Variants in PTPRD observed in about 807,000 individuals in gnomAD.
PTPRD encodes receptor-type tyrosine-protein phosphatase delta.
In PTPRD, 34 loss-of-function variants were observed where a neutral mutation model predicts 214.5. That is an observed-to-expected ratio of 0.16 (90% confidence interval 0.12 to 0.21). The LOEUF is 0.21. Ranked by LOEUF, PTPRD falls within the 10% of genes least tolerant of loss-of-function variation. The probability of loss-of-function intolerance (pLI) is 1.00; values close to 1 mark genes in which losing one functional copy is unlikely to be tolerated. For missense variants in PTPRD, 2,545 were observed against 2,398.7 expected, an observed-to-expected ratio of 1.06 and a Z score of -1.27; for synonymous variants, 1,128 against 845.7, an observed-to-expected ratio of 1.33 and a Z score of -5.79.
At chr9:8,893,538 A>G (rs968967846) in intron 11 of PTPRD, among the ~76,000 whole-genome samples, 1 of 152,188 alleles carries the variant, frequency 6.6e-6, no homozygotes, top group Non-Finnish European at 1.5e-5. Context: ...ACAAATAGCA[A>G]TCTGACAATT....
chr9:10,606,484 T>C lies in PTPRD; in HGVS notation c.-600+5914A>G, dbSNP rs74924949. Among the ~76,000 whole-genome samples, 202 of 151,816 alleles carry C rather than the reference T, an allele frequency of 1.3e-3. 1 individual carries two copies. Among genetic ancestry groups the C allele is most frequent in the African/African-American group, 4.5e-3 (187 of 41,504 alleles). ...CAGGTTTTTCGTAAGTGGCCTACAC[T>C]GGTTCCACTTTAGAAACAGGAAACA... On this transcript the variant is annotated intron_variant, in intron 2 of 45. Coordinates refer to ENST00000381196, the MANE Select transcript of PTPRD (RefSeq NM_002839.4).
At chr9:9,691,536 G>A (rs915683073) in intron 7 of PTPRD, among the ~76,000 whole-genome samples, 2 of 151,956 alleles carry the variant, frequency 1.3e-5, no homozygotes, top group African/African-American at 4.8e-5. Context: ...ATCTGTTGAT[G>A]GAAACTTAAG....
At chr9:9,959,202 A>C (rs2094172039) in intron 4 of PTPRD, among the ~76,000 whole-genome samples, 1 of 152,226 alleles carries the variant, frequency 6.6e-6, no homozygotes, top group Admixed American at 6.5e-5. Flanking sequence ...CAGTAATCTT[A>C]AATGCACCTT....
chr9:8,499,353 T>A (rs960637083), intron 25 of PTPRD, among the ~76,000 whole-genome samples: 5 of 152,174 alleles, frequency 3.3e-5, no homozygotes, highest in African/African-American at 1.2e-4. Flanking sequence ...AGTCAATCAT[T>A]TTTTGAAGTC....
intron 11 of PTPRD, among the ~76,000 whole-genome samples, chr9:8,890,809 A>C (rs1403485522): frequency 1.3e-5 from 2 of 152,178 alleles, no homozygotes; most frequent in Non-Finnish European, 2.9e-5. Flanking sequence ...AGGTGCTATT[A>C]TAATTGCCTA....
intron 9 of PTPRD, among the ~76,000 whole-genome samples, chr9:9,186,250 C>A (rs866242875): frequency 7.9e-5 from 12 of 152,050 alleles, no homozygotes; most frequent in Non-Finnish European, 1.3e-4. Flanking sequence ...GAGGAAATAA[C>A]AATAAGGGTT....
At chr9:8,933,638 T>G (rs1034930544) in intron 11 of PTPRD, among the ~76,000 whole-genome samples, 1 of 152,090 alleles carries the variant, frequency 6.6e-6, no homozygotes, top group African/African-American at 2.4e-5. Flanking sequence ...CTATAAAGTA[T>G]TTTAATGCTT....
intron 8 of PTPRD, among the ~76,000 whole-genome samples, chr9:9,420,110 T>TGATA (rs905256918): frequency 2.9e-5 from 1 of 34,866 alleles, no homozygotes; most frequent in African/African-American, 1.0e-4. Context: ...CCAGACACTA[T>TGATA]AATATTTATA....
In PTPRD at chr9:8,611,937, G is replaced by C. The variant is rs1333245279; in HGVS notation, c.352+21380C>G. ...ATATCAAGACCTTGTGAAAAGAAAA[G>C]AAAAGAAAAGAGAAAACAAAAGAAA... On this transcript the variant is annotated intron_variant, in intron 14 of 45. Coordinates refer to ENST00000381196, the MANE Select transcript of PTPRD (RefSeq NM_002839.4). Among the ~76,000 whole-genome samples, 15 of 88,832 alleles carry C rather than the reference G, an allele frequency of 1.7e-4. 1 individual carries two copies. In the Admixed American group the frequency reaches 2.4e-3, roughly 14 times the overall value. 58.3% of individuals were successfully genotyped at this position (88,832 alleles called of 152,430 possible). A position where few individuals can be genotyped will look rare whatever the true frequency, so the allele number is the denominator to read the frequency against.
rs561193584 is a variant in PTPRD, at chr9:10,512,521, G to C, written c.-600+99877C>G. Among the ~76,000 whole-genome samples, 132 of 152,238 alleles carry C rather than the reference G, an allele frequency of 8.7e-4. 1 individual carries two copies. Among genetic ancestry groups the C allele is most frequent in the African/African-American group, 3.1e-3 (127 of 41,554 alleles). On this transcript the variant is annotated intron_variant, in intron 2 of 45. Coordinates refer to ENST00000381196, the MANE Select transcript of PTPRD (RefSeq NM_002839.4). ...ATGCGGTGGTGGGTTGGGGGGAATG[G>C]AGCTTAGACAAATGATTTTTATTTA...
intron 10 of PTPRD, among the ~76,000 whole-genome samples, chr9:9,029,158 C>T (rs2099596687): frequency 6.6e-6 from 1 of 151,782 alleles, no homozygotes; most frequent in Non-Finnish European, 1.5e-5. Flanking sequence ...ATTATTAACA[C>T]TAACTTCACA....
At chr9:9,619,885 T>A (rs1428275179) in intron 7 of PTPRD, among the ~76,000 whole-genome samples, 1 of 149,602 alleles carries the variant, frequency 6.7e-6, no homozygotes, top group Non-Finnish European at 1.5e-5. Context: ...TATAGATGTT[T>A]TTATATACAG....
At chr9:9,912,296 T>G (rs1450630270) in intron 5 of PTPRD, among the ~76,000 whole-genome samples, 1 of 152,132 alleles carries the variant, frequency 6.6e-6, no homozygotes, top group Non-Finnish European at 1.5e-5. Flanking sequence ...TTGTTCTGAG[T>G]TGGAATATAC....
At chr9:8,859,241 T>G (rs2098041235) in intron 11 of PTPRD, among the ~76,000 whole-genome samples, 1 of 152,204 alleles carries the variant, frequency 6.6e-6, no homozygotes, top group Admixed American at 6.5e-5. Flanking sequence ...GCTCCTCAGC[T>G]TCTCTGAAGG....
At chr9:10,451,887 T>C (rs1003262807) in intron 2 of PTPRD, among the ~76,000 whole-genome samples, 3 of 151,930 alleles carry the variant, frequency 2.0e-5, no homozygotes, top group Non-Finnish European at 2.9e-5. Flanking sequence ...AGTAACTTCA[T>C]AGCGTCAGTT....
intron 11 of PTPRD, among the ~76,000 whole-genome samples, chr9:8,786,748 G>GA (rs35010963): frequency 0.36 from 52,902 of 146,694 alleles, 11,232 homozygotes; most frequent in Middle Eastern, 0.51. Flanking sequence ...AATCCTCAGG[G>GA]AAAAAAAAGG....
At chr9:10,481,817 G>A (rs1383982784) in intron 2 of PTPRD, among the ~76,000 whole-genome samples, 1 of 152,176 alleles carries the variant, frequency 6.6e-6, no homozygotes, top group African/African-American at 2.4e-5. Flanking sequence ...ATGGGAAAGT[G>A]TAACTACATA....
At chr9:9,976,188 G>A (rs2095344169) in intron 4 of PTPRD, among the ~76,000 whole-genome samples, 1 of 152,112 alleles carries the variant, frequency 6.6e-6, no homozygotes, top group African/African-American at 2.4e-5. Context: ...CTGCAGTAGT[G>A]TGTGAGCTTT....
At chr9:9,239,917 C>A (rs2099969512) in intron 9 of PTPRD, among the ~76,000 whole-genome samples, 1 of 152,106 alleles carries the variant, frequency 6.6e-6, no homozygotes, top group Non-Finnish European at 1.5e-5. Context: ...TGCTCAAAAC[C>A]CAGGATGACT....
Sources: gnomAD v4.1 joint callset for allele counts (sites outside exome capture counted in the v4.1 genomes callset) on GRCh38, gnomAD v4.1.1 for gene constraint, MANE v1.5 for transcripts, NCBI Gene and HGNC (gene_info 2026-07-23, HGNC 2026-07-21) for gene names.